The following RBFOX1 variants were observed in gnomAD, a reference collection of about 807,000 sequenced individuals.
RBFOX1 encodes the protein RNA binding protein fox-1 homolog 1.
Under a neutral mutation model 57.7 loss-of-function variants are expected in RBFOX1, and 8 were observed. The observed-to-expected ratio is 0.14, with a 90% confidence interval of 0.08 to 0.25. The LOEUF (loss-of-function observed/expected upper bound fraction) is 0.25. Among genes scored for constraint, RBFOX1 ranks in the 10% least tolerant of loss-of-function variants. RBFOX1 has a pLI of 1.00. For synonymous variants in RBFOX1, 326 were observed against 222.4 expected, an observed-to-expected ratio of 1.47 and a Z score of -4.15; for missense variants, 611 against 548.5, an observed-to-expected ratio of 1.11 and a Z score of -1.14.
At chr16:5,905,688 C>T (rs999681406) in intron 4 of RBFOX1, among the ~76,000 whole-genome samples, 6 of 152,064 alleles carry the variant, frequency 3.9e-5, no homozygotes, top group Admixed American at 6.5e-5. Context: ...CCCTGTCCAA[C>T]GCAACAACAA....
intron 3 of RBFOX1, among the ~76,000 whole-genome samples, chr16:6,920,726 C>G (rs1304505349): frequency 1.3e-5 from 2 of 152,176 alleles, no homozygotes; most frequent in African/African-American, 2.4e-5. Flanking sequence ...CTGCATCACT[C>G]CAGTCTTTAC....
intron 4 of RBFOX1, among the ~76,000 whole-genome samples, chr16:7,157,466 A>G (rs950799861): frequency 2.6e-5 from 4 of 152,144 alleles, no homozygotes; most frequent in Non-Finnish European, 5.9e-5. Flanking sequence ...GATAGGTGCA[A>G]TTCTGCCCTG....
intron 4 of RBFOX1, among the ~76,000 whole-genome samples, chr16:7,308,095 G>A (rs2096233629): frequency 6.6e-6 from 1 of 152,144 alleles, no homozygotes; most frequent in Non-Finnish European, 1.5e-5. Context: ...TTTCCTGATA[G>A]AGAAGAAATA....
chr16:6,849,190 A>G (rs929856265), intron 3 of RBFOX1, among the ~76,000 whole-genome samples: 4 of 152,206 alleles, frequency 2.6e-5, no homozygotes, highest in Non-Finnish European at 5.9e-5. Context: ...AATGTAGAGG[A>G]AAAATTATCC....
chr16:7,671,427 C>G, intron 13 of RBFOX1: 1 of 826,002 alleles, frequency 1.2e-6, no homozygotes, highest in East Asian at 2.6e-5. Context: ...GTGGGCCAGT[C>G]CCAAGGCTTG....
chr16:7,050,466 A>G (rs1384460683), intron 3 of RBFOX1, among the ~76,000 whole-genome samples: 2 of 152,012 alleles, frequency 1.3e-5, no homozygotes, highest in Admixed American at 1.3e-4. Context: ...AGGTTTCACC[A>G]TATTGGCCAG....
intron 2 of RBFOX1, among the ~76,000 whole-genome samples, chr16:5,507,372 GTTCCCCCCAGT>G (rs1045642815): frequency 6.6e-6 from 1 of 152,052 alleles, no homozygotes; most frequent in Non-Finnish European, 1.5e-5. Context: ...TCTTGGCTTT[GTTCCCCCCAGT>G]TTCTCCATCA....
chr16:6,251,377 A>G (rs2097610022), intron 1 of RBFOX1, among the ~76,000 whole-genome samples: 1 of 152,154 alleles, frequency 6.6e-6, no homozygotes, highest in African/African-American at 2.4e-5. Flanking sequence ...AGAGGGGTTA[A>G]GTCACCTGCC....
At chr16:7,286,109 A>G (rs981515367) in intron 4 of RBFOX1, among the ~76,000 whole-genome samples, 5 of 152,348 alleles carry the variant, frequency 3.3e-5, no homozygotes, top group Non-Finnish European at 5.9e-5. Context: ...GATGATTTAA[A>G]TAAGGAACGA....
chr16:6,460,882 A>T lies in RBFOX1; in HGVS notation c.-64+143825A>T, dbSNP rs1346013947. ...ATGCCCATCAATGATAGACTGGATA[A>T]AGAAAATGTAATACATGTACACCAT... On this transcript the variant is annotated intron_variant, in intron 2 of 15. Transcript: ENST00000550418. Among the ~76,000 whole-genome samples the T allele has an allele frequency of 3.9e-5, 6 of 152,158 alleles. 1 individual carries two copies. The South Asian group carries it at 1.2e-3, about 32-fold the overall frequency.
intron 3 of RBFOX1, among the ~76,000 whole-genome samples, chr16:6,742,105 T>C (rs1224464660): frequency 6.6e-6 from 1 of 152,184 alleles, no homozygotes; most frequent in Admixed American, 6.5e-5. Context: ...GATAAATATA[T>C]ACAGTTATTA....
At chr16:7,525,675 G>A (rs1217898202) in intron 5 of RBFOX1, among the ~76,000 whole-genome samples, 1 of 152,152 alleles carries the variant, frequency 6.6e-6, no homozygotes. Flanking sequence ...TTTTAGAATT[G>A]TTGGGTGTCC....
At chr16:7,126,998 G>A (rs1323863772) in intron 4 of RBFOX1, among the ~76,000 whole-genome samples, 4 of 121,130 alleles carry the variant, frequency 3.3e-5, no homozygotes, top group South Asian at 3.2e-4. Flanking sequence ...GTGACAGAGC[G>A]AGAATCCGTC....
intron 4 of RBFOX1, among the ~76,000 whole-genome samples, chr16:5,888,535 C>T (rs1567673193): frequency 6.6e-6 from 1 of 152,084 alleles, no homozygotes; most frequent in East Asian, 1.9e-4. Flanking sequence ...GTGGCTCACG[C>T]CTGTAATCCC....
At chr16:7,333,043 G>A (rs750296080) in intron 4 of RBFOX1, 4 of 1,613,792 alleles carry the variant, frequency 2.5e-6, no homozygotes, top group Admixed American at 1.7e-5. Flanking sequence ...CTTATGGCGT[G>A]CCTATGATTG....
intron 3 of RBFOX1, among the ~76,000 whole-genome samples, chr16:5,711,048 G>C (rs903660970): frequency 3.9e-5 from 6 of 152,206 alleles, no homozygotes; most frequent in Non-Finnish European, 5.9e-5. Flanking sequence ...GACTCCCAGG[G>C]TGTTTGATCT....
intron 4 of RBFOX1, among the ~76,000 whole-genome samples, chr16:7,191,209 C>G (rs918270868): frequency 1.3e-5 from 2 of 152,044 alleles, no homozygotes; most frequent in African/African-American, 2.4e-5. Flanking sequence ...TAATATGGAA[C>G]TTTGTCTTAA....
intron 1 of RBFOX1, among the ~76,000 whole-genome samples, chr16:6,120,482 C>T (rs2096540896): frequency 6.6e-6 from 1 of 152,100 alleles, no homozygotes; most frequent in Admixed American, 6.5e-5. Context: ...GCATCCTCTC[C>T]ACCATCTTGC....
intron 3 of RBFOX1, among the ~76,000 whole-genome samples, chr16:5,730,105 C>T (rs775894163): frequency 9.2e-5 from 14 of 152,204 alleles, no homozygotes; most frequent in Non-Finnish European, 1.8e-4. Flanking sequence ...ACTTACCTGT[C>T]AGTGTGTCTG....
Sources: allele counts gnomAD v4.1 joint callset (sites outside exome capture counted in the v4.1 genomes callset), GRCh38; gene constraint gnomAD v4.1.1; transcripts MANE v1.5; gene names NCBI Gene and HGNC (gene_info 2026-07-23, HGNC 2026-07-21).